Variants in TMEM143 observed in about 807,000 individuals in gnomAD.
TMEM143 encodes the protein transmembrane protein 143.
TMEM143 carries 45 observed loss-of-function variants against 40.3 expected under a neutral mutation model. That is an observed-to-expected ratio of 1.12 (90% CI 0.88 to 1.43). The LOEUF is 1.43. TMEM143 is among the 40% of genes most tolerant of loss of function. The probability of loss-of-function intolerance (pLI) is 0.00; values close to 1 mark genes in which losing one functional copy is unlikely to be tolerated. For synonymous variants in TMEM143, 299 were observed against 282.7 expected, an observed-to-expected ratio of 1.06 and a Z score of -0.58; for missense variants, 620 against 613.4, an observed-to-expected ratio of 1.01 and a Z score of -0.11.
At chr19:48,350,919 CAAAAAAAAAA>C (rs71181680) in intron 3 of TMEM143, among the ~76,000 whole-genome samples, 125 of 88,256 alleles carry the variant, frequency 1.4e-3, no homozygotes, top group Non-Finnish European at 8.1e-4. Flanking sequence ...GACTACATCT[CAAAAAAAAAA>C]AAAAAAAAAA....
intron 3 of TMEM143, among the ~76,000 whole-genome samples, chr19:48,348,714 T>C (rs1380478266): frequency 6.6e-6 from 1 of 152,136 alleles, no homozygotes; most frequent in Non-Finnish European, 1.5e-5. Context: ...CGAGGTCACA[T>C]GGCCAGGAAG....
At chr19:48,353,963 C>T (rs409988) in intron 3 of TMEM143, among the ~76,000 whole-genome samples, 106,858 of 151,620 alleles carry the variant, frequency 0.7, 38,489 homozygotes, top group East Asian at 0.83. Flanking sequence ...ATACATTTCA[C>T]TTCTTTTTTT....
At chr19:48,345,434 C>T in intron 3 of TMEM143, 80 bp from the exon 4 acceptor site, 1 of 819,402 alleles carries the variant, frequency 1.2e-6, no homozygotes, top group East Asian at 3.1e-5. Context: ...ACATCCCTCT[C>T]CAGATACTTT....
At chr19:48,361,599 C>T (rs1299955861) in intron 2 of TMEM143, among the ~76,000 whole-genome samples, 6 of 147,620 alleles carry the variant, frequency 4.1e-5, no homozygotes, top group Non-Finnish European at 8.9e-5. Context: ...GGCACGATCT[C>T]GGCTCACTGC....
chr19:48,334,416 C>CTTTCTTTCTT (rs1229512928), intron 6 of TMEM143, among the ~76,000 whole-genome samples: 2 of 108,266 alleles, frequency 1.8e-5, no homozygotes, highest in East Asian at 2.6e-4. Flanking sequence ...TTCTTTTTCT[C>CTTTCTTTCTT]TCTTTCTTTC....
intron 3 of TMEM143, among the ~76,000 whole-genome samples, chr19:48,350,615 T>A (rs1293463074): frequency 6.6e-6 from 1 of 151,904 alleles, no homozygotes. Context: ...CGCACAAACA[T>A]CTGCTAAAAG....
chr19:48,333,272 C>T lies in TMEM143; in HGVS notation c.1327G>A (p.Ala443Thr). Residue 443 changes from alanine (A) to threonine (T), a missense_variant, in exon 8 of 8, where the codon GCT becomes ACT. Coordinates refer to ENST00000293261, the MANE Select transcript of TMEM143 (RefSeq NM_018273.4). This position sits in a 1 kb window ranked among gnomAD's most constrained non-coding sequence, Gnocchi z 4.1. ...PPGFPKLDPV[A>T]PITSEPPQAT... ...TGCGGGGGCTCGGAAGTGATCGGAG[C>T]CACTGGGTCTAGTTTGGGGAAACCC... 1 of 1,545,648 alleles carries T rather than the reference C, an allele frequency of 6.5e-7. No homozygotes were observed. The highest frequency in any genetic ancestry group is 8.8e-7 in the Non-Finnish European group (1 of 1,136,104).
chr19:48,345,287 C>T lies in TMEM143; in HGVS notation c.437G>A (p.Arg146His), dbSNP rs376061380. The T allele has an allele frequency of 2.7e-5, 43 of 1,608,544 alleles. No individual in the cohort carries two copies. The highest frequency in any genetic ancestry group is 3.3e-4 in the Middle Eastern group (2 of 6,042). ...AAGCACCTCCTGCTCATTAGACAGA[C>T]GCTGGGGATCCGTTAGTGATGGCTG... The part of the protein sequence containing the change: ...LDQPSLTDPQ[R>H]LSNEQEVLRA... The change falls in exon 4 of 8, where the codon CGT becomes CAT. Residue 146 changes from arginine (R) to histidine (H), a missense_variant. By Grantham distance (29) the Arg-to-His change is conservative. Coordinates refer to ENST00000293261, the MANE Select transcript of TMEM143 (RefSeq NM_018273.4).
chr19:48,343,601 T>C (rs1969560617), intron 4 of TMEM143, 150 bp from the exon 5 acceptor site: 1 of 1,049,434 alleles, frequency 9.5e-7, no homozygotes, highest in Non-Finnish European at 1.4e-6. Flanking sequence ...CACATATGGT[T>C]GTCCATGTCG....
rs1234684004 is a variant in TMEM143 at position 48,333,636 on chromosome 19, T to G, written c.1166-203A>C. Among the ~76,000 whole-genome samples the G allele has an allele frequency of 6.6e-6, 1 of 152,094 alleles. No individual in the cohort carries two copies. The highest frequency in any genetic ancestry group is 2.4e-5 in the African/African-American group (1 of 41,422). On this transcript the variant is annotated intron_variant, in intron 7 of 7. Coordinates refer to ENST00000293261, the MANE Select transcript of TMEM143 (RefSeq NM_018273.4). This position sits in a 1 kb window ranked among gnomAD's most constrained non-coding sequence, Gnocchi z 4.1. ...AAGGCCCAGCTCTGGGGCTTTCGTCTGGGGACCAGTCAGGGGCTCTTGGGC... is the reference window on the plus strand; with the variant it reads ...AAGGCCCAGCTCTGGGGCTTTCGTCGGGGGACCAGTCAGGGGCTCTTGGGC...
chr19:48,340,440 T>C (rs1969463876), intron 6 of TMEM143, among the ~76,000 whole-genome samples: 1 of 151,984 alleles, frequency 6.6e-6, no homozygotes, highest in Non-Finnish European at 1.5e-5. Flanking sequence ...TTTTTATTGT[T>C]ATTTTTTGAT....
Position 48,343,325 on chromosome 19 carries a change from C to A in TMEM143, c.691G>T (p.Glu231Ter). The change falls in exon 5 of 8, where the codon GAG becomes TAG. Residue 231 changes from glutamate to a stop codon, truncating the protein, a stop_gained. Transcript: ENST00000293261. LOFTEE classifies it high-confidence loss of function. ...RGFFTKLPPA[E>*]RRYFKRVVLA... is the part of the protein sequence containing the mutation. ...GGGGAACAAGGGCCGCCTCACCTCT[C>A]CGCAGGGGGCAGCTTGGTGAAGAAG... is the stretch of plus-strand genomic sequence containing the variant. 6.2e-7 allele frequency: 1 copy of A among 1,610,590 alleles called. No individual in the cohort carries two copies. Among genetic ancestry groups the A allele is most frequent in the Non-Finnish European group, 8.5e-7 (1 of 1,179,212 alleles).
rs944685467 is a variant in TMEM143, at chr19:48,333,399, G to T, written c.1200C>A (p.Asn400Lys). 3 of 1,605,530 alleles carry T rather than the reference G, an allele frequency of 1.9e-6. No homozygotes were observed. Among genetic ancestry groups the T allele is most frequent in the Non-Finnish European group, 2.6e-6 (3 of 1,174,310 alleles). The change falls in exon 8 of 8, where the codon AAC (asparagine) becomes AAA (lysine). Residue 400 changes from asparagine (N) to lysine (K), a missense_variant. Transcript: ENST00000293261. This position sits in a 1 kb window ranked among gnomAD's most constrained non-coding sequence, Gnocchi z 4.1. ...CACAGCCTGACTTGGCTAGGAGCCA[G>T]TTCTCCACCTCCGACCGGAGCCACC... ...TSRWLRSEVENWLLAKSGCEV... is the reference protein window; with the variant it reads ...TSRWLRSEVEKWLLAKSGCEV...
In TMEM143 at chr19:48,333,224, A is replaced by C. The variant is rs186626048; in HGVS notation, c.1375T>G (p.Ser459Ala). Residue 459 changes from serine to alanine, a missense_variant, in exon 8 of 8, where the codon TCC becomes GCC. By Grantham distance (99) the Ser-to-Ala change is moderately conservative. Transcript: ENST00000293261. The surrounding 1 kb of genome is among the most constrained non-coding windows in gnomAD (Gnocchi z 4.1). ...GGCAGGGAGGTAGGTTCTACTCAGG[A>C]GATGTTACTGCTGGGCGTGGCTTGC... ...PPQATPSSNI[S>A] The C allele has an allele frequency of 3.4e-6, 5 of 1,483,210 alleles. No individual in the cohort carries two copies. In the African/African-American group the frequency reaches 4.2e-5, roughly 12 times the overall value. The allele number at this position is 1,483,210 out of a possible 1,614,324, so 91.9% of individuals were successfully genotyped here.
chr19:48,362,655 C>A (rs182614233), intron 2 of TMEM143, among the ~76,000 whole-genome samples: 30 of 152,250 alleles, frequency 2.0e-4, no homozygotes, highest in African/African-American at 7.0e-4. Flanking sequence ...GAATATGGCA[C>A]CCAAGGGTGC....
chr19:48,358,844 C>A (rs1969969063), intron 3 of TMEM143, among the ~76,000 whole-genome samples: 1 of 152,192 alleles, frequency 6.6e-6, no homozygotes, highest in Non-Finnish European at 1.5e-5. Context: ...GCTCAGAGCC[C>A]TCCCATGGCT....
At chr19:48,334,528 TTTC>T (rs765545591) in intron 6 of TMEM143, among the ~76,000 whole-genome samples, 12 of 149,242 alleles carry the variant, frequency 8.0e-5, no homozygotes, top group African/African-American at 2.3e-4. Context: ...TTTCTCTTTC[TTTC>T]TTTTCTTTTC....
At chr19:48,356,675 G>T (rs1244530431) in intron 3 of TMEM143, among the ~76,000 whole-genome samples, 3 of 145,144 alleles carry the variant, frequency 2.1e-5, no homozygotes, top group African/African-American at 7.7e-5. Context: ...TTGGCTCACT[G>T]CAACCTCCTC....
At chr19:48,359,546 G>A (rs1218833448) in intron 3 of TMEM143, among the ~76,000 whole-genome samples, 2 of 121,582 alleles carry the variant, frequency 1.6e-5, no homozygotes, top group African/African-American at 6.4e-5. Context: ...TTCCTCAGTC[G>A]CCCAGGCTGG....
Sources: gnomAD v4.1 joint callset for allele counts (sites outside exome capture counted in the v4.1 genomes callset) on GRCh38, gnomAD v4.1.1 for gene constraint, Gnocchi (gnomAD v3.1) non-coding constraint, MANE v1.5 for transcripts, NCBI Gene and HGNC (gene_info 2026-07-23, HGNC 2026-07-21) for gene names.